TYW1B: variants seen among roughly 807,000 people sequenced by gnomAD.
TYW1B encodes the protein S-adenosyl-L-methionine-dependent tRNA 4-demethylwyosine synthase TYW1B.
In TYW1B, 73 loss-of-function variants were observed where a neutral mutation model predicts 86.9. The observed-to-expected ratio is 0.84, with a 90% confidence interval of 0.70 to 1.02. TYW1B has a LOEUF of 1.02. Ranked by LOEUF, TYW1B falls within the 50% of genes least tolerant of loss-of-function variation. The pLI is 0.00. For synonymous variants in TYW1B, 248 were observed against 292.8 expected (o/e 0.85, Z 1.56); for missense variants, 637 against 827.4 (o/e 0.77, Z 2.82).
chr7:72,630,016 T>C (rs1473970582), intron 11 of TYW1B, among the ~76,000 whole-genome samples: 3 of 152,154 alleles, frequency 2.0e-5, no homozygotes, highest in African/African-American at 7.2e-5. Flanking sequence ...TGGTGGCTCA[T>C]GCCTGTAATC....
chr7:72,685,627 C>A (rs1212053599), intron 11 of TYW1B, among the ~76,000 whole-genome samples: 1 of 151,874 alleles, frequency 6.6e-6, no homozygotes, highest in African/African-American at 2.4e-5. Context: ...AGAATCTAAA[C>A]GAACACCTTA....
At position 72,690,692 on chromosome 7, in the gene TYW1B, T is replaced by C. The variant is rs151079438; in HGVS notation, c.1506+3995A>G. On this transcript the variant is annotated intron_variant, in intron 11 of 13. Transcript: ENST00000620995. Reference sequence around the variant, plus strand: ...CAGTATGGATGTTCTAATTAAAATATCTGAAATAACACTCTTATTTATAGT... The same window carrying C: ...CAGTATGGATGTTCTAATTAAAATACCTGAAATAACACTCTTATTTATAGT... 4.6e-3 allele frequency among the ~76,000 whole-genome samples: 695 copies of C among 152,346 alleles called. 1 individual carries two copies. The highest frequency in any genetic ancestry group is 5.9e-3 in the Non-Finnish European group (401 of 68,034).
At chr7:72,615,903 T>A in intron 13 of TYW1B, among the ~76,000 whole-genome samples, 1 of 151,582 alleles carries the variant, frequency 6.6e-6, no homozygotes. Context: ...AAATGAAATA[T>A]GGAGAGATGG....
chr7:72,767,166 C>T (rs370683165), intron 7 of TYW1B, among the ~76,000 whole-genome samples: 36 of 152,196 alleles, frequency 2.4e-4, no homozygotes, highest in African/African-American at 6.3e-4. Flanking sequence ...CACAACCTTA[C>T]ACAAAAAAAT....
chr7:72,702,848 C>T (rs1229348556), intron 10 of TYW1B, among the ~76,000 whole-genome samples: 1 of 151,836 alleles, frequency 6.6e-6, no homozygotes, highest in Non-Finnish European at 1.5e-5. Context: ...AAAAAAGTCG[C>T]TTGTGATCAT....
intron 11 of TYW1B, among the ~76,000 whole-genome samples, chr7:72,632,312 T>TACGTG (rs1491239231): frequency 4.6e-5 from 4 of 87,030 alleles, no homozygotes; most frequent in African/African-American, 2.5e-4. Flanking sequence ...TGTATATATA[T>TACGTG]TATATATATT....
intron 13 of TYW1B, among the ~76,000 whole-genome samples, chr7:72,586,975 A>C (rs1554430587): frequency 6.6e-6 from 1 of 152,102 alleles, no homozygotes; most frequent in Non-Finnish European, 1.5e-5. Flanking sequence ...AAGAACACTA[A>C]TGCAAAACGA....
chr7:72,735,612 G>A (rs1211000772), intron 8 of TYW1B, among the ~76,000 whole-genome samples: 1 of 148,500 alleles, frequency 6.7e-6, no homozygotes, highest in Admixed American at 6.8e-5. Context: ...GCTCAAGCCT[G>A]TAATCCCAGG....
chr7:72,749,388 G>A (rs1787455380), intron 7 of TYW1B, among the ~76,000 whole-genome samples: 1 of 152,102 alleles, frequency 6.6e-6, no homozygotes, highest in African/African-American at 2.4e-5. Context: ...CTGCCTCTTG[G>A]GTTCACGCCA....
intron 12 of TYW1B, among the ~76,000 whole-genome samples, chr7:72,624,104 G>C (rs561301506): frequency 1.3e-5 from 2 of 152,198 alleles, no homozygotes; most frequent in Admixed American, 6.5e-5. Flanking sequence ...CCCAGCCAAT[G>C]ATTTTAAAAA....
intron 9 of TYW1B, among the ~76,000 whole-genome samples, chr7:72,716,463 G>T (rs1300964726): frequency 6.6e-6 from 1 of 152,178 alleles, no homozygotes; most frequent in Admixed American, 6.6e-5. Context: ...GAACGTGGGC[G>T]AAATAAAGTT....
intron 11 of TYW1B, among the ~76,000 whole-genome samples, chr7:72,655,525 C>T (rs1813180656): frequency 2.6e-5 from 4 of 152,128 alleles, no homozygotes; most frequent in Admixed American, 2.6e-4. Context: ...TTCCAGAAGG[C>T]TGTAGCAGCA....
At chr7:72,791,944 G>A (rs777449513) in intron 6 of TYW1B, among the ~76,000 whole-genome samples, 7 of 152,112 alleles carry the variant, frequency 4.6e-5, no homozygotes, top group East Asian at 1.9e-4. Context: ...TCTAAGGACC[G>A]CAACAAATCT....
At chr7:72,724,678 C>T (rs34708813) in intron 9 of TYW1B, among the ~76,000 whole-genome samples, 1 of 152,024 alleles carries the variant, frequency 6.6e-6, no homozygotes, top group Non-Finnish European at 1.5e-5. Context: ...AGCAAATTTG[C>T]TGCTGATTAA....
intron 6 of TYW1B, among the ~76,000 whole-genome samples, chr7:72,790,172 C>A (rs1396096815): frequency 6.6e-6 from 1 of 151,594 alleles, no homozygotes; most frequent in East Asian, 1.9e-4. Flanking sequence ...GGCTGGTCTC[C>A]TGACCTCAGG....
At chr7:72,776,949 G>C (rs1222702390) in intron 7 of TYW1B, among the ~76,000 whole-genome samples, 5 of 152,070 alleles carry the variant, frequency 3.3e-5, no homozygotes, top group African/African-American at 4.8e-5. Flanking sequence ...GGGAAGTGGG[G>C]AGGGGGAAGA....
intron 7 of TYW1B, among the ~76,000 whole-genome samples, chr7:72,762,269 T>C (rs1203371019): frequency 6.6e-6 from 1 of 152,180 alleles, no homozygotes; most frequent in Non-Finnish European, 1.5e-5. Flanking sequence ...GAAAAGTTCT[T>C]TCTTTTTGAA....
At chr7:72,731,720 G>A (rs1265739349) in intron 8 of TYW1B, among the ~76,000 whole-genome samples, 3 of 152,130 alleles carry the variant, frequency 2.0e-5, no homozygotes, top group Non-Finnish European at 1.5e-5. Context: ...GAGGCAGGGG[G>A]ATCACGAGGT....
At chr7:72,820,609 G>A (rs537407764) in intron 2 of TYW1B, among the ~76,000 whole-genome samples, 302 of 152,184 alleles carry the variant, frequency 2.0e-3, no homozygotes, top group Non-Finnish European at 3.5e-3. Flanking sequence ...CATAGCAAGA[G>A]AGGAAACAAG....
Sources: gnomAD v4.1 joint callset for allele counts (sites outside exome capture counted in the v4.1 genomes callset) on GRCh38, gnomAD v4.1.1 for gene constraint, MANE v1.5 for transcripts, NCBI Gene and HGNC (gene_info 2026-07-23, HGNC 2026-07-21) for gene names.